Variants in ZNF664 observed in about 807,000 individuals in gnomAD.
ZNF664 encodes zinc finger protein 664.
A neutral mutation model predicts 18.2 loss-of-function variants in ZNF664; 10 were observed. The observed-to-expected ratio is 0.55, with a 90% CI of 0.34 to 0.93. ZNF664 has a LOEUF of 0.93. Ranked by LOEUF, ZNF664 falls within the 40% of genes least tolerant of loss-of-function variation. The pLI is 0.02. For missense variants in ZNF664, 193 were observed against 319.0 expected, an observed-to-expected ratio of 0.61 and a Z score of 3.01; for synonymous variants, 119 against 104.2, an observed-to-expected ratio of 1.14 and a Z score of -0.86.
chr12:123,988,253 G>A (rs1956847374), intron 3 of ZNF664, 115 bp downstream of exon 3: 3 of 965,488 alleles, frequency 3.1e-6, no homozygotes, highest in Non-Finnish European at 4.0e-6. Flanking sequence ...GGCTCAGTGA[G>A]GAAGCAGCTC....
Position 124,012,315 on chromosome 12 carries a change from G to C in ZNF664, c.171G>C (p.Lys57Asn), listed in dbSNP as rs767870318. ...HIHWRDHTGE[K>N]VYKCDDCGKD... is the part of the protein sequence containing the mutation. Reference sequence around the variant, plus strand: ...ATTGGAGAGACCATACAGGAGAGAAGGTCTATAAATGTGATGATTGTGGTA... The same window carrying C: ...ATTGGAGAGACCATACAGGAGAGAACGTCTATAAATGTGATGATTGTGGTA... Residue 57 changes from lysine to asparagine, a missense_variant, in exon 5 of 5, where the codon AAG (lysine) becomes AAC (asparagine). Lys to Asn is a moderately conservative substitution (Grantham distance 94). Coordinates refer to ENST00000337815, the MANE Select transcript of ZNF664 (RefSeq NM_152437.3). 3.7e-6 allele frequency: 6 copies of C among 1,614,000 alleles called. No homozygotes were observed. In the East Asian group the frequency reaches 8.9e-5, roughly 24 times the overall value.
At chr12:123,996,380 G>A (rs949168508) in intron 3 of ZNF664, among the ~76,000 whole-genome samples, 10 of 152,168 alleles carry the variant, frequency 6.6e-5, no homozygotes, top group Non-Finnish European at 1.0e-4. Context: ...AGTGGGCTGA[G>A]TGTGAGCATA....
chr12:123,994,376 ACTT>A, intron 3 of ZNF664, among the ~76,000 whole-genome samples: 1 of 152,126 alleles, frequency 6.6e-6, no homozygotes. Flanking sequence ...TTATGAAGAT[ACTT>A]ACTAACTCAT....
At chr12:124,007,789 G>A (rs985330241) in intron 3 of ZNF664, among the ~76,000 whole-genome samples, 3 of 138,170 alleles carry the variant, frequency 2.2e-5, no homozygotes, top group African/African-American at 5.7e-5. Flanking sequence ...TAAATGCAAT[G>A]GTTACAATGA....
chr12:124,010,331 AC>A (rs1304045876), intron 3 of ZNF664, among the ~76,000 whole-genome samples: 1 of 152,172 alleles, frequency 6.6e-6, no homozygotes, highest in Non-Finnish European at 1.5e-5. Flanking sequence ...CTTTAAGAAG[AC>A]CTATTGATTT....
At chr12:124,009,634 G>C (rs1019734475) in intron 3 of ZNF664, among the ~76,000 whole-genome samples, 6 of 152,064 alleles carry the variant, frequency 3.9e-5, no homozygotes, top group African/African-American at 1.4e-4. Flanking sequence ...GAGTAGCTGC[G>C]ACTACGGGTG....
At chr12:124,011,217 A>C in intron 3 of ZNF664, 164 bp from the exon 4 acceptor site, 308 of 763,426 alleles carry the variant, frequency 4.0e-4, no homozygotes, top group Middle Eastern at 1.3e-3. Flanking sequence ...TTTTTACAGG[A>C]CAGCTGGTTT....
At chr12:124,009,210 G>A (rs1347956087) in intron 3 of ZNF664, among the ~76,000 whole-genome samples, 3 of 152,162 alleles carry the variant, frequency 2.0e-5, no homozygotes, top group Non-Finnish European at 2.9e-5. Flanking sequence ...TGAAAGAAGT[G>A]TGATTTCTTT....
At chr12:124,000,451 C>T (rs534568021) in intron 3 of ZNF664, among the ~76,000 whole-genome samples, 53 of 152,292 alleles carry the variant, frequency 3.5e-4, no homozygotes, top group African/African-American at 1.3e-3. Flanking sequence ...TTGGCCCTTT[C>T]TGTTATTTCT....
At chr12:123,980,257 G>GT (rs1348408538) in intron 2 of ZNF664, among the ~76,000 whole-genome samples, 2 of 151,906 alleles carry the variant, frequency 1.3e-5, no homozygotes, top group African/African-American at 2.4e-5. Flanking sequence ...CATTGCTTCA[G>GT]TTTTTTTTAC....
intron 3 of ZNF664, chr12:124,006,273 A>G (rs993100856): frequency 1.3e-5 from 2 of 152,232 alleles, no homozygotes; most frequent in African/African-American, 2.4e-5. Flanking sequence ...GGCTGCTGCA[A>G]CCAACTCCTG....
intron 3 of ZNF664, among the ~76,000 whole-genome samples, chr12:123,990,057 A>G (rs1271104402): frequency 4.6e-5 from 7 of 152,160 alleles, no homozygotes; most frequent in African/African-American, 1.7e-4. Flanking sequence ...AAATAGCCAG[A>G]CTCTTGATGT....
intron 2 of ZNF664, among the ~76,000 whole-genome samples, chr12:123,979,844 G>A (rs766845196): frequency 2.1e-4 from 32 of 151,946 alleles, no homozygotes; most frequent in Admixed American, 1.2e-3. Flanking sequence ...ACTACACCTG[G>A]CTGATTTTTA....
At chr12:123,992,876 A>C (rs534609048) in intron 3 of ZNF664, among the ~76,000 whole-genome samples, 30 of 152,194 alleles carry the variant, frequency 2.0e-4, no homozygotes, top group African/African-American at 6.7e-4. Context: ...CCTGGGAATT[A>C]TGGCTGTGCT....
chr12:123,984,569 G>A (rs1269393522), intron 2 of ZNF664, among the ~76,000 whole-genome samples: 2 of 152,188 alleles, frequency 1.3e-5, no homozygotes, highest in East Asian at 3.9e-4. Context: ...AATGCTGAAG[G>A]GAAGAAACAA....
intron 2 of ZNF664, among the ~76,000 whole-genome samples, chr12:123,979,566 T>C (rs1225862429): frequency 2.0e-5 from 3 of 152,234 alleles, no homozygotes; most frequent in Non-Finnish European, 4.4e-5. Context: ...TACGTTAATA[T>C]AAACAATGTC....
intron 3 of ZNF664, among the ~76,000 whole-genome samples, chr12:123,991,755 T>G (rs1956891607): frequency 6.6e-6 from 1 of 152,212 alleles, no homozygotes; most frequent in African/African-American, 2.4e-5. Context: ...GTGAGAGGAC[T>G]TGGCTGAAGG....
rs374030163 is a variant in ZNF664, at chr12:124,014,362, G to C, written c.*1432G>C. 6.0e-6 allele frequency: 1 copy of C among 167,092 alleles called. No homozygotes were observed. The highest frequency in any genetic ancestry group is 1.5e-5 in the Non-Finnish European group (1 of 68,160). The allele number at this position is 167,092 out of a possible 1,614,324, so 10.4% of individuals were successfully genotyped here. ...TTCGCAAGCAGTGGGGAAGGGGAGAGATGCCGAGGTGGTCAGTATCCTGAC... is the reference window on the plus strand; with the variant it reads ...TTCGCAAGCAGTGGGGAAGGGGAGACATGCCGAGGTGGTCAGTATCCTGAC... On this transcript the variant is annotated 3_prime_UTR_variant, in exon 5 of 5. Transcript: ENST00000337815.
In ZNF664 at chr12:124,010,522, G is replaced by A. The variant is rs1172407040; in HGVS notation, c.-660-859G>A. Reference sequence around the variant, plus strand: ...GTCCCCTGTAGGCTATCAAAGACTGGAAATAAGGCACTAAGAAATGTACCT... The same window carrying A: ...GTCCCCTGTAGGCTATCAAAGACTGAAAATAAGGCACTAAGAAATGTACCT... On this transcript the variant is annotated intron_variant, in intron 3 of 4. Coordinates refer to ENST00000337815, the MANE Select transcript of ZNF664 (RefSeq NM_152437.3). Among the ~76,000 whole-genome samples, 3 of 152,174 alleles carry A rather than the reference G, an allele frequency of 2.0e-5. No individual in the cohort carries two copies. In the East Asian group the frequency reaches 5.8e-4, roughly 29 times the overall value.
Sources: gnomAD v4.1 joint callset for allele counts (sites outside exome capture counted in the v4.1 genomes callset) on GRCh38, gnomAD v4.1.1 for gene constraint, MANE v1.5 for transcripts, NCBI Gene and HGNC (gene_info 2026-07-23, HGNC 2026-07-21) for gene names.